Variants in ADAM28 observed in about 807,000 individuals in gnomAD.
ADAM28 encodes the protein disintegrin and metalloproteinase domain-containing protein 28.
In ADAM28, 105 loss-of-function variants were observed where a neutral mutation model predicts 101.2. The ratio of observed to expected loss-of-function variants is 1.04; its 90% confidence interval spans 0.89 to 1.22. ADAM28 has a LOEUF of 1.22. Ranked by LOEUF, ADAM28 falls within the 50% of genes most tolerant of loss-of-function variation. ADAM28 has a pLI of 0.00. For missense variants in ADAM28, 1,028 were observed against 945.4 expected (o/e 1.09, Z -1.15); for synonymous variants, 322 against 310.6 (o/e 1.04, Z -0.39).
intron 13 of ADAM28, 104 bp from the exon 14 acceptor site, chr8:24,335,342 A>T: frequency 6.9e-7 from 1 of 1,443,242 alleles, no homozygotes; most frequent in Non-Finnish European, 9.1e-7. Flanking sequence ...ACCTCCAACT[A>T]CTATGCCCAA....
In ADAM28 at chr8:24,331,294, A is replaced by T. The variant is rs1390019690; in HGVS notation, c.1248A>T (p.Glu416Asp). The T allele has an allele frequency of 1.2e-6, 2 of 1,612,084 alleles. No homozygotes were observed. Among genetic ancestry groups the T allele is most frequent in the African/African-American group, 2.7e-5 (2 of 74,850 alleles). The change falls in exon 12 of 23, where the codon GAA (glutamate) becomes GAT (aspartate). Residue 416 changes from glutamate to aspartate, a missense_variant. Glu to Asp is a conservative substitution (Grantham distance 45). Transcript: ENST00000265769. ...CAATTTGTGGGAACCAGTTGGTGGA[A>T]ATGGGAGAGGACTGTGATTGTGGGA... ...STPICGNQLV[E>D]MGEDCDCGTS... is the part of the protein sequence containing the mutation.
chr8:24,328,386 T>C (rs1475961038), intron 10 of ADAM28, among the ~76,000 whole-genome samples: 6 of 151,886 alleles, frequency 4.0e-5, no homozygotes, highest in Non-Finnish European at 8.8e-5. Context: ...ACATCCTAGA[T>C]AGAAATGGAA....
intron 2 of ADAM28, among the ~76,000 whole-genome samples, chr8:24,308,193 T>C (rs985028390): frequency 6.6e-6 from 1 of 152,172 alleles, no homozygotes; most frequent in Non-Finnish European, 1.5e-5. Flanking sequence ...TCAAGGTGCA[T>C]CTTACTTCTC....
intron 10 of ADAM28, 55 bp downstream of exon 10, chr8:24,326,690 TA>T (rs1812666953): frequency 1.3e-6 from 2 of 1,513,680 alleles, no homozygotes; most frequent in East Asian, 4.6e-5. Flanking sequence ...AAATGCTTTT[TA>T]AAAAATCTAT....
At chr8:24,342,942 T>C (rs942522163) in intron 16 of ADAM28, 159 bp from the exon 17 acceptor site, 20 of 1,354,322 alleles carry the variant, frequency 1.5e-5, no homozygotes, top group East Asian at 2.5e-5. Flanking sequence ...ACTAAGAGGA[T>C]AATGTAAGCA....
chr8:24,312,265 T>C (rs1434738164), intron 5 of ADAM28, among the ~76,000 whole-genome samples: 1 of 152,158 alleles, frequency 6.6e-6, no homozygotes, highest in Non-Finnish European at 1.5e-5. Flanking sequence ...TAAACCAAAC[T>C]AATGATTGTC....
At chr8:24,346,630 T>TAACA (rs1366373640) in intron 18 of ADAM28, among the ~76,000 whole-genome samples, 1 of 152,082 alleles carries the variant, frequency 6.6e-6, no homozygotes, top group Non-Finnish European at 1.5e-5. Context: ...AGATTATTGT[T>TAACA]AACACCATCT....
chr8:24,353,914 A>T (rs1042088626), intron 22 of ADAM28, 82 bp downstream of exon 22: 1 of 984,728 alleles, frequency 1.0e-6, no homozygotes, highest in Non-Finnish European at 1.5e-6. Flanking sequence ...GTCTTTTTAG[A>T]AAAAAACTTA....
At chr8:24,327,697 C>G in intron 10 of ADAM28, among the ~76,000 whole-genome samples, 1 of 152,004 alleles carries the variant, frequency 6.6e-6, no homozygotes, top group Admixed American at 6.6e-5. Flanking sequence ...ATATATAGAC[C>G]AATGGAACAG....
At chr8:24,299,030 A>G (rs12546679) in intron 1 of ADAM28, among the ~76,000 whole-genome samples, 35 of 149,418 alleles carry the variant, frequency 2.3e-4, no homozygotes, top group Admixed American at 2.2e-3. Context: ...CTTCTCTAAT[A>G]GAAAAAAAAA....
At chr8:24,311,063 G>C (rs1429195817) in intron 4 of ADAM28, among the ~76,000 whole-genome samples, 2 of 152,204 alleles carry the variant, frequency 1.3e-5, no homozygotes, top group Non-Finnish European at 2.9e-5. Context: ...TGTTTTAGGA[G>C]CTCAGGTTTT....
At position 24,354,617 on chromosome 8, in the gene ADAM28, A is replaced by G. The variant is rs1816552148; in HGVS notation, c.*213A>G. On this transcript the variant is annotated 3_prime_UTR_variant, in exon 23 of 23. Transcript: ENST00000265769. ...ACCTTTGCATGAATTTAAAATTTCA[A>G]TTATCCATTCTTATAAGAAGGAAGA... is the stretch of plus-strand genomic sequence containing the variant. The G allele has an allele frequency of 1.4e-5, 6 of 428,508 alleles. No individual in the cohort carries two copies. The highest frequency in any genetic ancestry group is 2.5e-5 in the Non-Finnish European group (6 of 238,950). 26.5% of individuals were successfully genotyped at this position (428,508 alleles called of 1,614,324 possible).
chr8:24,311,659 TA>T (rs1161347556), intron 5 of ADAM28, among the ~76,000 whole-genome samples: 2 of 152,228 alleles, frequency 1.3e-5, no homozygotes, highest in Non-Finnish European at 2.9e-5. Flanking sequence ...AGTTTAGTTT[TA>T]AAATACAGGA....
rs982343313 is a variant in ADAM28, at chr8:24,313,264, A to G, written c.384-124A>G. ...GTAAGTTTTACTGTATTTTATTGCCATGAGCTTAAATTGTTTTTGACATTG... is the reference window on the plus strand; with the variant it reads ...GTAAGTTTTACTGTATTTTATTGCCGTGAGCTTAAATTGTTTTTGACATTG... On this transcript the variant is annotated intron_variant, in intron 5 of 22. Coordinates refer to ENST00000265769, the MANE Select transcript of ADAM28 (RefSeq NM_014265.6). 4 of 837,192 alleles carry G rather than the reference A, an allele frequency of 4.8e-6. No individual in the cohort carries two copies. In the African/African-American group the frequency reaches 5.2e-5, roughly 11 times the overall value. 51.9% of individuals were successfully genotyped at this position (837,192 alleles called of 1,614,324 possible). A position where few individuals can be genotyped will look rare whatever the true frequency, so the allele number is the denominator to read the frequency against.
In ADAM28 at chr8:24,329,972, T is replaced by A. The variant is rs1459815366; in HGVS notation, c.973-13T>A. 1 of 1,598,714 alleles carries A rather than the reference T, an allele frequency of 6.3e-7. No homozygotes were observed. Among genetic ancestry groups the A allele is most frequent in the African/African-American group, 1.4e-5 (1 of 74,028 alleles). On this transcript the variant is annotated splice_polypyrimidine_tract_variant and intron_variant, in intron 10 of 22. Coordinates refer to ENST00000265769, the MANE Select transcript of ADAM28 (RefSeq NM_014265.6). ...GAAAATCAGAGAATCTTTTTCTTCT[T>A]TCATACCTTTAGGACCACAGCGATA... is the stretch of plus-strand genomic sequence containing the variant.
rs1036146869 is a variant in ADAM28, at chr8:24,296,489, C to T, written c.46+2294C>T. Reference sequence around the variant, plus strand: ...AGACATTTCTTTGAACAGTTTCAAACACATTTGAACGAAAATGAAAATGTC... The same window carrying T: ...AGACATTTCTTTGAACAGTTTCAAATACATTTGAACGAAAATGAAAATGTC... On this transcript the variant is annotated intron_variant, in intron 1 of 22. Transcript: ENST00000265769. 2.0e-5 allele frequency among the ~76,000 whole-genome samples: 3 copies of T among 152,278 alleles called. No individual in the cohort carries two copies. The South Asian group carries it at 6.2e-4, about 32-fold the overall frequency.
intron 18 of ADAM28, among the ~76,000 whole-genome samples, chr8:24,343,988 C>T (rs1815109520): frequency 6.6e-6 from 1 of 152,140 alleles, no homozygotes; most frequent in African/African-American, 2.4e-5. Flanking sequence ...TTGGTTTGTT[C>T]TGTTGTCACC....
chr8:24,330,095 T>C lies in ADAM28; in HGVS notation c.1083T>C (p.Cys361=), dbSNP rs1425851581. The stretch of plus-strand genomic sequence containing the variant: ...CTTGCAAGTGTCCTTCTACAATATG[T>C]GTGATGGACAAAGCACTGAGGTGAG... ...DYSCKCPSTI[C]VMDKALSFYI... Residue 361 remains cysteine, a synonymous_variant, in exon 11 of 23, where the codon TGT becomes TGC. Transcript: ENST00000265769. 9 of 1,613,368 alleles carry C rather than the reference T, an allele frequency of 5.6e-6. No individual in the cohort carries two copies. Among genetic ancestry groups the C allele is most frequent in the Non-Finnish European group, 7.6e-6 (9 of 1,179,640 alleles).
Position 24,341,457 on chromosome 8 carries a change from A to C in ADAM28, c.1671-141A>C, listed in dbSNP as rs552250035. 63 of 837,518 alleles carry C rather than the reference A, an allele frequency of 7.5e-5. No individual in the cohort carries two copies. In the African/African-American group the frequency reaches 1.1e-3, roughly 14 times the overall value. The allele number at this position is 837,518 out of a possible 1,614,324, so 51.9% of individuals were successfully genotyped here. ...AACGTTCAGGCATCCTATTACTGAG[A>C]AATAAGGGAAAATGAGTGTAAAGTA... On this transcript the variant is annotated intron_variant, in intron 15 of 22. Coordinates refer to ENST00000265769, the MANE Select transcript of ADAM28 (RefSeq NM_014265.6).
Sources: gnomAD v4.1 joint callset for allele counts (sites outside exome capture counted in the v4.1 genomes callset) on GRCh38, gnomAD v4.1.1 for gene constraint, MANE v1.5 for transcripts, NCBI Gene and HGNC (gene_info 2026-07-23, HGNC 2026-07-21) for gene names.